LARGE1: variants seen among roughly 807,000 people sequenced by gnomAD.
LARGE1 encodes the protein xylosyl- and glucuronyltransferase LARGE1.
Under a neutral mutation model 87.6 loss-of-function variants are expected in LARGE1, and 43 were observed. The ratio of observed to expected loss-of-function variants is 0.49; its 90% CI spans 0.38 to 0.63. LARGE1 has a LOEUF of 0.63. Ranked by LOEUF, LARGE1 falls within the 30% of genes least tolerant of loss-of-function variation. The pLI, the probability that LARGE1 is intolerant of heterozygous loss-of-function variation, is 0.00. For synonymous variants in LARGE1, 434 were observed against 394.6 expected (o/e 1.10, Z -1.18); for missense variants, 802 against 1,000.2 (o/e 0.80, Z 2.67).
At chr22:33,846,962 A>G (rs903233631) in intron 1 of LARGE1, among the ~76,000 whole-genome samples, 1 of 152,008 alleles carries the variant, frequency 6.6e-6, no homozygotes, top group African/African-American at 2.4e-5. Flanking sequence ...TTGCCTTGTG[A>G]TATTCTATTA....
chr22:33,401,071 C>A (rs1336971211), intron 7 of LARGE1, among the ~76,000 whole-genome samples: 1 of 152,050 alleles, frequency 6.6e-6, no homozygotes, highest in Non-Finnish European at 1.5e-5. Flanking sequence ...CTCCCTCGCA[C>A]ACTCTCGCAT....
At chr22:33,612,769 A>C (rs979229359) in intron 4 of LARGE1, among the ~76,000 whole-genome samples, 21 of 152,260 alleles carry the variant, frequency 1.4e-4, no homozygotes, top group Admixed American at 7.2e-4. Flanking sequence ...AGAAACAGCC[A>C]GACAAGGTTT....
At chr22:33,285,673 T>G (rs1028179295) in intron 12 of LARGE1, among the ~76,000 whole-genome samples, 1 of 152,098 alleles carries the variant, frequency 6.6e-6, no homozygotes, top group East Asian at 1.9e-4. Flanking sequence ...ATTGCTGTAT[T>G]ATTAAAGTCA....
intron 1 of LARGE1, among the ~76,000 whole-genome samples, chr22:33,785,304 T>C (rs535350207): frequency 2.8e-4 from 43 of 152,092 alleles, no homozygotes; most frequent in Non-Finnish European, 2.6e-4. Flanking sequence ...TGTATATATA[T>C]ACACACACAC....
chr22:33,839,462 C>T (rs891773859), intron 1 of LARGE1, among the ~76,000 whole-genome samples: 5 of 152,142 alleles, frequency 3.3e-5, no homozygotes, highest in East Asian at 1.9e-4. Flanking sequence ...ACCATATCAG[C>T]GAGAAAAAAG....
intron 1 of LARGE1, among the ~76,000 whole-genome samples, chr22:33,915,425 TAA>T (rs1569031964): frequency 6.6e-6 from 1 of 152,066 alleles, no homozygotes; most frequent in Non-Finnish European, 1.5e-5. Flanking sequence ...TGTTCTCACC[TAA>T]GTGTTTTTTT....
At chr22:33,795,654 C>A (rs8139093) in intron 1 of LARGE1, among the ~76,000 whole-genome samples, 1 of 152,254 alleles carries the variant, frequency 6.6e-6, no homozygotes, top group East Asian at 1.9e-4. Flanking sequence ...ATGTAGCACA[C>A]ATACACCATG....
chr22:33,751,591 C>T (rs1452621548), intron 2 of LARGE1, among the ~76,000 whole-genome samples: 1 of 152,074 alleles, frequency 6.6e-6, no homozygotes, highest in Non-Finnish European at 1.5e-5. Context: ...ACCCTCCCTA[C>T]CAGAGTTAAC....
chr22:33,124,489 G>A, the LARGE1 span, among the ~76,000 whole-genome samples: 1 of 152,054 alleles, frequency 6.6e-6, no homozygotes. Context: ...TACTGCTCTT[G>A]CAGTTTTGAT....
chr22:33,079,474 G>A, the LARGE1 span, among the ~76,000 whole-genome samples: 2 of 151,868 alleles, frequency 1.3e-5, no homozygotes, highest in African/African-American at 2.4e-5. Flanking sequence ...TGACCTGCCC[G>A]TCTTGGCCTC....
chr22:33,602,956 T>C (rs548448137), intron 5 of LARGE1, among the ~76,000 whole-genome samples: 2 of 152,340 alleles, frequency 1.3e-5, no homozygotes, highest in South Asian at 4.1e-4. Context: ...CCATGTTGCT[T>C]TTCCCCCATG....
chr22:33,360,938 C>T lies in LARGE1; in HGVS notation c.1131+20981G>A, dbSNP rs1199993620. On this transcript the variant is annotated intron_variant, in intron 9 of 14. Transcript: ENST00000397394. The stretch of plus-strand genomic sequence containing the variant: ...AATCCCGATAAAACCCCATGTCGGC[C>T]GGGCACAGTGGCTCACGCCTATAAT... 3.3e-5 allele frequency among the ~76,000 whole-genome samples: 5 copies of T among 149,654 alleles called. 1 individual carries two copies. Among genetic ancestry groups the T allele is most frequent in the African/African-American group, 4.9e-5 (2 of 40,670 alleles).
Position 33,761,467 on chromosome 22 carries a change from T to C in LARGE1, c.10A>G (p.Ile4Val). 6.2e-7 allele frequency: 1 copy of C among 1,613,342 alleles called. No homozygotes were observed. The highest frequency in any genetic ancestry group is 8.5e-7 in the Non-Finnish European group (1 of 1,179,464). The change falls in exon 2 of 15, where the codon ATC becomes GTC. Residue 4 changes from isoleucine (I) to valine (V), a missense_variant. Physicochemically the swap from Ile to Val is conservative, Grantham distance 29. Around this residue, in one of 2 missense-constraint regions of LARGE1, gnomAD observed 177 missense variants for 158.3 expected, o/e 1.12. Transcript: ENST00000397394. ...AAGAATTTCCGTCTCCCCCTGCAGATTCCCAGCATCCTCTCAGAAGTGGCA... is the reference window on the plus strand; with the variant it reads ...AAGAATTTCCGTCTCCCCCTGCAGACTCCCAGCATCCTCTCAGAAGTGGCA... The part of the protein sequence containing the change: MLG[I>V]CRGRRKFLAA...
At chr22:33,839,128 G>C (rs956864094) in intron 1 of LARGE1, among the ~76,000 whole-genome samples, 3 of 152,194 alleles carry the variant, frequency 2.0e-5, no homozygotes, top group African/African-American at 7.2e-5. Context: ...CTGGCTCATG[G>C]TTCTGCAGGC....
chr22:33,785,092 TATACATGTGTATAC>T (rs1223387944), intron 1 of LARGE1, among the ~76,000 whole-genome samples: 1 of 147,690 alleles, frequency 6.8e-6, no homozygotes, highest in African/African-American at 2.6e-5. Context: ...CATATGTGTA[TATACATGTGTATAC>T]ATACATATGT....
chr22:33,195,778 G>A (rs529678709), intron 11 of LARGE1, among the ~76,000 whole-genome samples: 2 of 133,734 alleles, frequency 1.5e-5, no homozygotes, highest in Middle Eastern at 4.1e-3. Context: ...TTTTTGAGAC[G>A]GAGTCTTGCT....
chr22:33,650,290 T>C, intron 3 of LARGE1, 77 bp downstream of exon 3: 2 of 1,558,696 alleles, frequency 1.3e-6, no homozygotes, highest in Non-Finnish European at 1.8e-6. Flanking sequence ...TGGCTGTGTT[T>C]CCAGGAGGCA....
At chr22:33,585,082 A>C (rs995030908) in intron 5 of LARGE1, among the ~76,000 whole-genome samples, 1 of 152,218 alleles carries the variant, frequency 6.6e-6, no homozygotes, top group African/African-American at 2.4e-5. Flanking sequence ...GCACCACTGC[A>C]TTCCAGCCTG....
chr22:33,789,336 G>A (rs2085749651), intron 1 of LARGE1, among the ~76,000 whole-genome samples: 1 of 152,234 alleles, frequency 6.6e-6, no homozygotes, highest in Admixed American at 6.5e-5. Flanking sequence ...GATTTCACAG[G>A]ATGTATGGAA....
Sources: allele counts gnomAD v4.1 joint callset (sites outside exome capture counted in the v4.1 genomes callset), GRCh38; gene constraint gnomAD v4.1.1; regional missense constraint gnomAD v4.1.1; transcripts MANE v1.5; gene names NCBI Gene and HGNC (gene_info 2026-07-23, HGNC 2026-07-21).